The following SAR1B variants were observed in gnomAD, a reference collection of about 807,000 sequenced individuals.
The protein encoded by SAR1B is small COPII coat GTPase SAR1B.
A neutral mutation model predicts 26.8 loss-of-function variants in SAR1B; 23 were observed. The observed-to-expected ratio is 0.86, with a 90% CI of 0.62 to 1.22. The LOEUF (loss-of-function observed/expected upper bound fraction) is 1.22. Ranked by LOEUF, SAR1B falls within the 50% of genes most tolerant of loss-of-function variation. The pLI, the probability that SAR1B is intolerant of heterozygous loss-of-function variation, is 0.00. For synonymous variants in SAR1B, 65 were observed against 80.8 expected, an observed-to-expected ratio of 0.80 and a Z score of 1.05; for missense variants, 196 against 232.8, an observed-to-expected ratio of 0.84 and a Z score of 1.03.
chr5:134,610,036 T>C (rs1223274120), intron 4 of SAR1B, among the ~76,000 whole-genome samples: 1 of 151,882 alleles, frequency 6.6e-6, no homozygotes, highest in Non-Finnish European at 1.5e-5. Flanking sequence ...TGTGATTATA[T>C]ATACATAAAA....
intron 1 of SAR1B, among the ~76,000 whole-genome samples, chr5:134,628,973 C>T (rs1765550324): frequency 6.6e-6 from 1 of 150,408 alleles, no homozygotes; most frequent in Non-Finnish European, 1.5e-5. Flanking sequence ...TTTTAAATTA[C>T]CTGGGTATGG....
At chr5:134,615,626 T>C (rs1375729972) in intron 3 of SAR1B, among the ~76,000 whole-genome samples, 2 of 144,486 alleles carry the variant, frequency 1.4e-5, no homozygotes, top group Non-Finnish European at 3.0e-5. Context: ...CCATCCTGGC[T>C]AACACGGTGA....
chr5:134,618,675 C>G (rs1310441775), intron 3 of SAR1B, among the ~76,000 whole-genome samples: 1 of 152,194 alleles, frequency 6.6e-6, no homozygotes, highest in Non-Finnish European at 1.5e-5. Context: ...GTTACATAAC[C>G]TTAAATGCAA....
intron 2 of SAR1B, among the ~76,000 whole-genome samples, chr5:134,621,289 G>A (rs1765403094): frequency 6.6e-6 from 1 of 152,098 alleles, no homozygotes; most frequent in African/African-American, 2.4e-5. Flanking sequence ...GGCCAACACG[G>A]TGAAACCCCG....
rs1765176182 is a variant in SAR1B, at chr5:134,609,235, A to ATAG, written c.348+333_348+335dup. The ATAG allele has an allele frequency of 2.6e-5, 11 of 418,300 alleles. 1 individual carries two copies. Among genetic ancestry groups the ATAG allele is most frequent in the South Asian group, 1.9e-4 (10 of 52,194 alleles). 25.9% of individuals were successfully genotyped at this position (418,300 alleles called of 1,614,324 possible). A position where few individuals can be genotyped will look rare whatever the true frequency, so the allele number is the denominator to read the frequency against. The stretch of plus-strand genomic sequence containing the variant: ...TCATTTCCAGGCTGTGGCTTAAGAT[A>ATAG]TAGCATCTTAGCATGACCAGGGACT... On this transcript the variant is annotated intron_variant, in intron 5 of 6. Transcript: ENST00000402673.
In SAR1B at chr5:134,612,725, C is replaced by CG. The variant is rs1561785038; in HGVS notation, c.209dup (p.Phe71ValfsTer5). 1 of 1,458,528 alleles carries CG rather than the reference C, an allele frequency of 6.9e-7. No homozygotes were observed. The highest frequency in any genetic ancestry group is 1.9e-5 in the Admixed American group (1 of 51,628). 90.3% of individuals were successfully genotyped at this position (1,458,528 alleles called of 1,614,324 possible). ...GTCCACCCAGATCAAAAGTTGTAAA[C>CG]GTCATGCCAGCAATGGTCAGTTCTT... On this transcript the variant is annotated frameshift_variant, in exon 4 of 7. Coordinates refer to ENST00000402673, the MANE Select transcript of SAR1B (RefSeq NM_016103.4). LOFTEE classifies it high-confidence loss of function.
intron 3 of SAR1B, chr5:134,613,886 T>G (rs1240502820): frequency 6.6e-6 from 1 of 152,248 alleles, no homozygotes; most frequent in African/African-American, 2.4e-5. Context: ...GCTCTGTTTA[T>G]TTTGCTTTCA....
At chr5:134,628,660 AT>A (rs1267693135) in intron 1 of SAR1B, among the ~76,000 whole-genome samples, 19 of 147,220 alleles carry the variant, frequency 1.3e-4, no homozygotes, top group South Asian at 4.3e-4. Flanking sequence ...TAAAAAAAAA[AT>A]TTTTTTTTTT....
At chr5:134,618,579 C>T (rs973873123) in intron 3 of SAR1B, among the ~76,000 whole-genome samples, 4 of 152,168 alleles carry the variant, frequency 2.6e-5, no homozygotes, top group Non-Finnish European at 5.9e-5. Context: ...ATAAAATTTT[C>T]ACCTGTAAAA....
At chr5:134,618,531 A>G (rs1201978219) in intron 3 of SAR1B, among the ~76,000 whole-genome samples, 1 of 152,202 alleles carries the variant, frequency 6.6e-6, no homozygotes, top group East Asian at 1.9e-4. Flanking sequence ...ATTAATCTAT[A>G]GATTAACTTG....
At position 134,624,037 on chromosome 5, in the gene SAR1B, T is replaced by C. The variant is rs779465123; in HGVS notation, c.-18A>G. ...AAGGACATATCCAAATCTGATAGGG[T>C]CTGAAAAAAAAGAGTTTGAATTTAG... On this transcript the variant is annotated splice_region_variant and 5_prime_UTR_variant, in exon 2 of 7. Transcript: ENST00000402673. 6.3e-7 allele frequency: 1 copy of C among 1,589,128 alleles called. No homozygotes were observed. The highest frequency in any genetic ancestry group is 1.7e-5 in the Admixed American group (1 of 59,934).
intron 3 of SAR1B, among the ~76,000 whole-genome samples, chr5:134,620,178 T>C (rs1251190452): frequency 6.6e-6 from 1 of 151,704 alleles, no homozygotes; most frequent in Admixed American, 6.6e-5. Flanking sequence ...TGGTGGTGGG[T>C]GCCTGTAGTC....
chr5:134,619,948 T>C (rs1206415826), intron 3 of SAR1B, among the ~76,000 whole-genome samples: 4 of 151,810 alleles, frequency 2.6e-5, no homozygotes, highest in Non-Finnish European at 5.9e-5. Context: ...ACCACGGCAC[T>C]CCAACCTACA....
chr5:134,629,426 C>T (rs190427403), intron 1 of SAR1B, among the ~76,000 whole-genome samples: 143 of 150,924 alleles, frequency 9.5e-4, no homozygotes, highest in Non-Finnish European at 3.8e-4. Context: ...AGGCCAGGCA[C>T]GGTGGCTCAC....
At chr5:134,630,790 A>G (rs1362089161) in intron 1 of SAR1B, among the ~76,000 whole-genome samples, 1 of 151,184 alleles carries the variant, frequency 6.6e-6, no homozygotes, top group African/African-American at 2.4e-5. Flanking sequence ...AAAAAAAAAA[A>G]AAAGAAAAAA....
chr5:134,612,211 G>T (rs969069499), intron 4 of SAR1B, among the ~76,000 whole-genome samples: 1 of 152,112 alleles, frequency 6.6e-6, no homozygotes, highest in African/African-American at 2.4e-5. Context: ...GAAGTAGAGA[G>T]AATGGAAGTT....
intron 4 of SAR1B, among the ~76,000 whole-genome samples, chr5:134,610,489 C>T (rs1765194722): frequency 1.4e-5 from 2 of 147,400 alleles, no homozygotes; most frequent in African/African-American, 5.0e-5. Flanking sequence ...ATCACCTGAA[C>T]CCGGGAGGTG....
At chr5:134,627,440 C>T (rs1765512634) in intron 1 of SAR1B, among the ~76,000 whole-genome samples, 1 of 152,014 alleles carries the variant, frequency 6.6e-6, no homozygotes, top group Non-Finnish European at 1.5e-5. Flanking sequence ...TCAAGCAATC[C>T]TCCCACCTCA....
At chr5:134,612,838 A>T (rs866481510) in intron 3 of SAR1B, 82 bp from the exon 4 acceptor site, 1 of 1,296,322 alleles carries the variant, frequency 7.7e-7, no homozygotes. Context: ...GTTCCTTTTC[A>T]AAGACTTTCC....
Sources: gnomAD v4.1 joint callset for allele counts (sites outside exome capture counted in the v4.1 genomes callset) on GRCh38, gnomAD v4.1.1 for gene constraint, MANE v1.5 for transcripts, NCBI Gene and HGNC (gene_info 2026-07-23, HGNC 2026-07-21) for gene names.